The following HOOK2 variants were observed in gnomAD, a reference collection of about 807,000 sequenced individuals.
The protein encoded by HOOK2 is protein Hook homolog 2.
In HOOK2, 108 loss-of-function variants were observed where a neutral mutation model predicts 111.9. The ratio of observed to expected loss-of-function variants is 0.96; its 90% CI spans 0.83 to 1.13. The LOEUF (loss-of-function observed/expected upper bound fraction) is 1.13. HOOK2 is among the 50% of genes most tolerant of loss of function. The pLI is 0.00. For missense variants in HOOK2, 978 were observed against 951.3 expected (o/e 1.03, Z -0.37); for synonymous variants, 405 against 394.3 (o/e 1.03, Z -0.32).
At chr19:12,771,881 C>CA (rs60718260) in intron 7 of HOOK2, 9,342 of 113,920 alleles carry the variant, frequency 0.082, 34 homozygotes, top group East Asian at 0.14. Context: ...GACTCCATCT[C>CA]AAAAAAAAAA....
chr19:12,783,962 C>G (rs1386700738), intron 3 of HOOK2, among the ~76,000 whole-genome samples: 1 of 152,042 alleles, frequency 6.6e-6, no homozygotes, highest in South Asian at 2.1e-4. Context: ...CCTGTTGGGC[C>G]CGTCACCTCC....
At chr19:12,776,231 G>A (rs552071015), upstream of HOOK2, among the ~76,000 whole-genome samples, 1 of 151,976 alleles carries the variant, frequency 6.6e-6, no homozygotes, top group Non-Finnish European at 1.5e-5. Flanking sequence ...GTGCGGGGAG[G>A]GGCGAGCCCT....
chr19:12,779,208 T>C (rs1221970917), upstream of HOOK2, among the ~76,000 whole-genome samples: 1 of 152,134 alleles, frequency 6.6e-6, no homozygotes, highest in Non-Finnish European at 1.5e-5. Context: ...GTTGTACTGC[T>C]GGGAAGCGGC....
At chr19:12,781,484 G>A (rs571994561), upstream of HOOK2, among the ~76,000 whole-genome samples, 32 of 151,292 alleles carry the variant, frequency 2.1e-4, no homozygotes, top group African/African-American at 7.5e-4. Flanking sequence ...CCGCCACTAC[G>A]CCTGGCTAAT....
upstream of HOOK2, chr19:12,775,576 C>T (rs572619629): frequency 4.7e-5 from 45 of 949,678 alleles, no homozygotes; most frequent in Middle Eastern, 3.6e-4. Flanking sequence ...GCCCCGCCCC[C>T]CTAGGCGCAG....
chr19:12,788,938 C>T (rs1259287989), intron 3 of HOOK2, among the ~76,000 whole-genome samples: 2 of 152,070 alleles, frequency 1.3e-5, no homozygotes, highest in East Asian at 1.9e-4. Flanking sequence ...AAGGACGGGA[C>T]GCCCCCAGCT....
chr19:12,780,902 C>T (rs1187929771), upstream of HOOK2, among the ~76,000 whole-genome samples: 10 of 145,472 alleles, frequency 6.9e-5, no homozygotes, highest in Non-Finnish European at 1.4e-4. Context: ...GGCGTGAACC[C>T]GGGAGGCGGA....
In HOOK2 at chr19:12,772,233, G is replaced by A; in HGVS notation, c.476C>T (p.Pro159Leu). The A allele has an allele frequency of 6.2e-7, 1 of 1,614,142 alleles. No individual in the cohort carries two copies. The highest frequency in any genetic ancestry group is 8.5e-7 in the Non-Finnish European group (1 of 1,179,958). The stretch of plus-strand genomic sequence containing the variant: ...ATACGTCTCTGGTGACAGGGAGTCA[G>A]GAGTGTCTTTGGTCATGAGCTGAGG... ...AIQELMTKDT[P>L]DSLSPETYGN... The change falls in exon 7 of 23, where the codon CCT becomes CTT. Residue 159 changes from proline (P) to leucine (L), a missense_variant. This residue lies in a region of HOOK2 where 301 missense variants were observed against 286.1 expected (regional missense o/e 1.05). Transcript: ENST00000397668.
In HOOK2 at chr19:12,773,013, A is replaced by G; in HGVS notation, c.236T>C (p.Leu79Pro). The change falls in exon 4 of 23, where the codon CTA (leucine) becomes CCA (proline). Residue 79 changes from leucine (L) to proline (P), a missense_variant. Leu to Pro is a moderately conservative substitution (Grantham distance 98). Transcript: ENST00000397668. Reference sequence around the variant, plus strand: ...ACTCACATCCTGGGAGTACTCTACTAGGCTCCGTAAGACCATCTTCAGATT... The same window carrying G: ...ACTCACATCCTGGGAGTACTCTACTGGGCTCCGTAAGACCATCTTCAGATT... ...VSNLKMVLRS[L>P]VEYSQDVLAH... 1 of 1,614,068 alleles carries G rather than the reference A, an allele frequency of 6.2e-7. No homozygotes were observed. The highest frequency in any genetic ancestry group is 8.5e-7 in the Non-Finnish European group (1 of 1,180,008).
upstream of HOOK2, among the ~76,000 whole-genome samples, chr19:12,781,973 GGACTATAGACAC>G (rs1157704088): frequency 2.6e-5 from 4 of 151,850 alleles, no homozygotes; most frequent in East Asian, 7.7e-4. Flanking sequence ...CACATACCTG[GGACTATAGACAC>G]GACTATAGGC....
At position 12,763,565 on chromosome 19, in the gene HOOK2, T is replaced by A. The variant is rs1968058779; in HGVS notation, c.1973A>T (p.Gln658Leu). ...DFEKSRSQRE[Q>L]EEKLLISAWY... is the part of the protein sequence containing the mutation. ...GGCACTGATGAGCAGCTTTTCTTCC[T>A]GCTCCCGCTGACTTCGGCTTTTCTC... Residue 658 changes from glutamine to leucine, a missense_variant, in exon 22 of 23, where the codon CAG becomes CTG. By Grantham distance (113) the Gln-to-Leu change is moderately radical. Transcript: ENST00000397668. 4 of 1,614,242 alleles carry A rather than the reference T, an allele frequency of 2.5e-6. No individual in the cohort carries two copies. Among genetic ancestry groups the A allele is most frequent in the Non-Finnish European group, 2.5e-6 (3 of 1,180,044 alleles).
In HOOK2 at chr19:12,786,629, C is replaced by T. The variant is rs1295096222; in HGVS notation, n.42-12404G>A. 1.3e-5 allele frequency among the ~76,000 whole-genome samples: 2 copies of T among 152,196 alleles called. No individual in the cohort carries two copies. The highest frequency in any genetic ancestry group is 2.9e-5 in the Non-Finnish European group (2 of 68,012). On this transcript the variant is annotated intron_variant and non_coding_transcript_variant, in intron 3 of 3. Coordinates refer to the HOOK2 transcript ENST00000589765. The surrounding 1 kb of genome is among the most constrained non-coding windows in gnomAD (Gnocchi z 4.3). ...CTGTTCTCCCACCCTCCTCGTGGGG[C>T]CGGCCTGGCGCCAGTGGGGCGGCTT...
intron 3 of HOOK2, chr19:12,792,337 C>T (rs1254489511): frequency 6.5e-7 from 1 of 1,536,398 alleles, no homozygotes; most frequent in South Asian, 1.2e-5. Context: ...AGCAGCTACT[C>T]CCCAGCCTCT....
chr19:12,784,097 C>G (rs1968633430), intron 3 of HOOK2, among the ~76,000 whole-genome samples: 2 of 152,170 alleles, frequency 1.3e-5, no homozygotes, highest in Admixed American at 1.3e-4. Flanking sequence ...CGGATGGAGA[C>G]TGTGTCTCGG....
intron 3 of HOOK2, among the ~76,000 whole-genome samples, chr19:12,787,753 C>A (rs1034073314): frequency 7.9e-5 from 12 of 151,930 alleles, no homozygotes; most frequent in African/African-American, 2.7e-4. Context: ...AAGTGAGGTT[C>A]TCTTTAAAAA....
chr19:12,769,839 GC>G, intron 11 of HOOK2, 41 bp downstream of exon 11: 3 of 1,366,084 alleles, frequency 2.2e-6, no homozygotes, highest in Non-Finnish European at 2.8e-6. Flanking sequence ...GAGACTTGCT[GC>G]CAGGGGCGGG....
chr19:12,785,972 C>T (rs1042874023), intron 3 of HOOK2, among the ~76,000 whole-genome samples: 4 of 152,166 alleles, frequency 2.6e-5, no homozygotes, highest in African/African-American at 9.7e-5. Flanking sequence ...TGCCCAGGTC[C>T]CCCAAGGCTT....
At chr19:12,787,700 C>T (rs563603799) in intron 3 of HOOK2, among the ~76,000 whole-genome samples, 53 of 152,086 alleles carry the variant, frequency 3.5e-4, no homozygotes, top group Middle Eastern at 6.8e-3. Flanking sequence ...CCTCGGCCTC[C>T]CAAAGTGCTG....
rs952557491 is a variant in HOOK2, at chr19:12,790,564, G to A, written n.42-16339C>T. ...GTGGAAGATCCAGCAGTCCTGGTGCGCGGGACCCTCAAGGCCCCCTCCTCA... is the reference window on the plus strand; with the variant it reads ...GTGGAAGATCCAGCAGTCCTGGTGCACGGGACCCTCAAGGCCCCCTCCTCA... On this transcript the variant is annotated intron_variant and non_coding_transcript_variant, in intron 3 of 3. Transcript: ENST00000589765. This position sits in a 1 kb window ranked among gnomAD's most constrained non-coding sequence, Gnocchi z 7.2. 1.3e-5 allele frequency among the ~76,000 whole-genome samples: 2 copies of A among 152,160 alleles called. No homozygotes were observed. Among genetic ancestry groups the A allele is most frequent in the Non-Finnish European group, 2.9e-5 (2 of 68,034 alleles).
Sources: allele counts gnomAD v4.1 joint callset (sites outside exome capture counted in the v4.1 genomes callset), GRCh38; gene constraint gnomAD v4.1.1; regional missense constraint gnomAD v4.1.1; non-coding constraint Gnocchi (gnomAD v3.1); transcripts MANE v1.5; gene names NCBI Gene and HGNC (gene_info 2026-07-23, HGNC 2026-07-21).